KRT72: variants seen among roughly 807,000 people sequenced by gnomAD.
The protein encoded by KRT72 is keratin 72.
Under a neutral mutation model 44.7 loss-of-function variants are expected in KRT72, and 44 were observed. That is an observed-to-expected ratio of 0.98 (90% CI 0.77 to 1.27). The LOEUF is 1.27. KRT72 is among the 50% of genes most tolerant of loss of function. KRT72 has a pLI of 0.00. For missense variants in KRT72, 736 were observed against 667.1 expected (o/e 1.10, Z -1.14); for synonymous variants, 302 against 280.4 (o/e 1.08, Z -0.77).
intron 4 of KRT72, 54 bp from the exon 5 acceptor site, chr12:52,591,682 T>C: frequency 6.6e-7 from 1 of 1,526,310 alleles, no homozygotes; most frequent in Non-Finnish European, 9.0e-7. Context: ...GAGGAACCAG[T>C]TCTCTTGGTC....
At chr12:52,600,216 C>T (rs904844940) in intron 1 of KRT72, among the ~76,000 whole-genome samples, 1 of 152,160 alleles carries the variant, frequency 6.6e-6, no homozygotes, top group African/African-American at 2.4e-5. Context: ...CTCACCTCCT[C>T]TATCATCTTC....
chr12:52,597,787 T>C (rs1439130441), intron 2 of KRT72, among the ~76,000 whole-genome samples: 1 of 152,196 alleles, frequency 6.6e-6, no homozygotes, highest in Non-Finnish European at 1.5e-5. Flanking sequence ...ATCCTCTCAA[T>C]AGCTCTTTTA....
chr12:52,587,709 T>C lies in KRT72; in HGVS notation c.1232A>G (p.Gln411Arg), dbSNP rs767878464. The C allele has an allele frequency of 1.9e-6, 3 of 1,614,198 alleles. No homozygotes were observed. The highest frequency in any genetic ancestry group is 2.2e-5 in the South Asian group (2 of 91,086). Residue 411 changes from glutamine to arginine, a missense_variant, in exon 7 of 9, where the codon CAG becomes CGG. Coordinates refer to ENST00000293745, the MANE Select transcript of KRT72 (RefSeq NM_080747.3). ...EELARMLREY[Q>R]ELVSLKLALD... ...GGCCAGCTTCAGGCTCACGAGCTCC[T>C]GGTACTCACGCAGCATCCGTGCCAG...
At position 52,591,542 on chromosome 12, in the gene KRT72, G is replaced by T. The variant is rs1340187579; in HGVS notation, c.885C>A (p.Ile295=). 1.2e-6 allele frequency: 2 copies of T among 1,613,998 alleles called. No homozygotes were observed. Among genetic ancestry groups the T allele is most frequent in the African/African-American group, 2.7e-5 (2 of 74,938 alleles). ...DNNRDLDLDS[I]IAEVRAQYEE... ...CGTACTGGGCACGGACCTCGGCAATGATGCTGTCCAGGTCCAGATCCCGGT... is the reference window on the plus strand; with the variant it reads ...CGTACTGGGCACGGACCTCGGCAATTATGCTGTCCAGGTCCAGATCCCGGT... The change falls in exon 5 of 9, where the codon ATC becomes ATA. Residue 295 remains isoleucine (I), a synonymous_variant. Transcript: ENST00000293745.
chr12:52,592,854 G>A, intron 3 of KRT72, 38 bp downstream of exon 3: 3 of 1,594,962 alleles, frequency 1.9e-6, no homozygotes, highest in South Asian at 1.1e-5. Context: ...AGGTGGTCAG[G>A]TCTAGGCTTC....
At chr12:52,596,231 C>T (rs540078747) in intron 2 of KRT72, among the ~76,000 whole-genome samples, 1 of 152,216 alleles carries the variant, frequency 6.6e-6, no homozygotes, top group Non-Finnish European at 1.5e-5. Flanking sequence ...TAACACTGGG[C>T]TTGCAAAACT....
intron 1 of KRT72, 37 bp downstream of exon 1, chr12:52,600,990 G>T: frequency 1.2e-6 from 2 of 1,602,484 alleles, no homozygotes; most frequent in Non-Finnish European, 1.7e-6. Context: ...GTGCACATGC[G>T]CCCAACGCAG....
intron 2 of KRT72, among the ~76,000 whole-genome samples, chr12:52,596,415 C>T (rs1325952386): frequency 2.6e-5 from 4 of 152,028 alleles, no homozygotes; most frequent in Non-Finnish European, 5.9e-5. Flanking sequence ...AAAGTATTTT[C>T]AATTTTTTTT....
At chr12:52,601,562 T>A, upstream of KRT72, 1 of 1,119,652 alleles carries the variant, frequency 8.9e-7, no homozygotes, top group Non-Finnish European at 1.3e-6. Context: ...GGAGTCAGCC[T>A]AATTTGTATG....
chr12:52,601,934 T>G (rs1415300192), upstream of KRT72, among the ~76,000 whole-genome samples: 1 of 152,148 alleles, frequency 6.6e-6, no homozygotes, highest in Non-Finnish European at 1.5e-5. Context: ...AAATCATCCT[T>G]AGCCTGTCCT....
At position 52,586,052 on chromosome 12, in the gene KRT72, C is replaced by T. The variant is rs747718760; in HGVS notation, c.1466G>A (p.Gly489Asp). 6.8e-6 allele frequency: 11 copies of T among 1,614,212 alleles called. No homozygotes were observed. In the South Asian group the frequency reaches 1.2e-4, roughly 18 times the overall value. Residue 489 changes from glycine to aspartate, a missense_variant, in exon 9 of 9, where the codon GGC becomes GAC. Transcript: ENST00000293745. ...GGCAAGGGGATCCTTGAGCTCACTGCCACAGCTGCCTTTGGTCTTGACGTC... is the reference window on the plus strand; with the variant it reads ...GGCAAGGGGATCCTTGAGCTCACTGTCACAGCTGCCTTTGGTCTTGACGTC... ...AADVKTKGSC[G>D]SELKDPLAKT...
intron 2 of KRT72, among the ~76,000 whole-genome samples, chr12:52,594,633 G>A (rs1403571956): frequency 6.6e-6 from 1 of 151,860 alleles, no homozygotes; most frequent in Admixed American, 6.6e-5. Flanking sequence ...GATAGCATTG[G>A]GAGAAACACC....
intron 8 of KRT72, 151 bp downstream of exon 8, chr12:52,586,795 C>T: frequency 1.4e-6 from 1 of 738,400 alleles, no homozygotes; most frequent in Non-Finnish European, 2.4e-6. Context: ...ACTGCTTCCC[C>T]TTAGTTACTA....
chr12:52,588,161 G>A (rs1355874924), intron 6 of KRT72, among the ~76,000 whole-genome samples: 1 of 152,202 alleles, frequency 6.6e-6, no homozygotes, highest in Non-Finnish European at 1.5e-5. Context: ...AATATCAGCT[G>A]TAAGATTCTT....
At position 52,592,502 on chromosome 12, in the gene KRT72, A is replaced by G. The variant is rs373177559; in HGVS notation, c.703-11T>C. 15 of 1,611,308 alleles carry G rather than the reference A, an allele frequency of 9.3e-6. No homozygotes were observed. The African/African-American group carries it at 1.6e-4, about 17-fold the overall frequency. ...AGCAGCATCCACGTCCTGGGAGCAC[A>G]TGATAGTCAAGCCGCCCTGAGAGGG... On this transcript the variant is annotated splice_polypyrimidine_tract_variant and intron_variant, in intron 3 of 8. Coordinates refer to ENST00000293745, the MANE Select transcript of KRT72 (RefSeq NM_080747.3).
intron 1 of KRT72, 83 bp downstream of exon 1, chr12:52,600,944 C>G (rs1940416296): frequency 1.3e-6 from 2 of 1,491,722 alleles, no homozygotes; most frequent in Non-Finnish European, 1.8e-6. Context: ...CGCCCACGCT[C>G]CCACACAGCT....
intron 5 of KRT72, 87 bp downstream of exon 5, chr12:52,591,377 C>T: frequency 7.4e-7 from 1 of 1,354,554 alleles, no homozygotes; most frequent in Non-Finnish European, 1.0e-6. Context: ...CACACACAAA[C>T]ACACGCACAC....
intron 6 of KRT72, among the ~76,000 whole-genome samples, chr12:52,589,333 C>T (rs972866473): frequency 2.6e-5 from 4 of 152,174 alleles, no homozygotes; most frequent in Non-Finnish European, 4.4e-5. Context: ...ATGAGTGGCT[C>T]ACAGCCTCAA....
At chr12:52,586,410 T>C (rs959046297) in intron 8 of KRT72, among the ~76,000 whole-genome samples, 5 of 152,224 alleles carry the variant, frequency 3.3e-5, no homozygotes, top group Non-Finnish European at 7.3e-5. Flanking sequence ...GTGTGTGAAT[T>C]TCCCCCATGG....
Sources: allele counts gnomAD v4.1 joint callset (sites outside exome capture counted in the v4.1 genomes callset), GRCh38; gene constraint gnomAD v4.1.1; transcripts MANE v1.5; gene names NCBI Gene and HGNC (gene_info 2026-07-23, HGNC 2026-07-21).